The following NFIB variants were observed in gnomAD, a reference collection of about 807,000 sequenced individuals.
The protein encoded by NFIB is nuclear factor I B.
A neutral mutation model predicts 61.5 loss-of-function variants in NFIB; 11 were observed. That is an observed-to-expected ratio of 0.18 (90% CI 0.11 to 0.30). The LOEUF (loss-of-function observed/expected upper bound fraction) is 0.30, where lower values mean the gene tolerates loss of function less well. Among genes scored for constraint, NFIB ranks in the 10% least tolerant of loss-of-function variants. The probability of loss-of-function intolerance (pLI) is 1.00; values close to 1 mark genes in which losing one functional copy is unlikely to be tolerated. For synonymous variants in NFIB, 260 were observed against 216.5 expected (o/e 1.20, Z -1.76); for missense variants, 471 against 608.9 (o/e 0.77, Z 2.38).
chr9:14,132,278 A>T (rs2040488819), intron 6 of NFIB, among the ~76,000 whole-genome samples: 1 of 152,148 alleles, frequency 6.6e-6, no homozygotes, highest in South Asian at 2.1e-4. Context: ...TTAAAAGTGT[A>T]ATTATTTTAC....
chr9:14,154,168 A>G (rs991208002), intron 4 of NFIB, among the ~76,000 whole-genome samples: 34 of 152,082 alleles, frequency 2.2e-4, no homozygotes, highest in African/African-American at 8.2e-4. Context: ...GGGCTTTTGA[A>G]GGTTCTAATG....
At chr9:14,112,086 GAGTT>G (rs762391531) in intron 10 of NFIB, among the ~76,000 whole-genome samples, 53 of 152,114 alleles carry the variant, frequency 3.5e-4, no homozygotes, top group Non-Finnish European at 6.5e-4. Flanking sequence ...AATAAAGAGC[GAGTT>G]AGTTAACACC....
At chr9:14,422,303 C>T in the NFIB span, among the ~76,000 whole-genome samples, 1 of 152,252 alleles carries the variant, frequency 6.6e-6, no homozygotes, top group East Asian at 1.9e-4. Flanking sequence ...GAACACTGAT[C>T]AGTTGAAATT....
intron 2 of NFIB, among the ~76,000 whole-genome samples, chr9:14,274,444 T>C (rs2132361166): frequency 6.6e-6 from 1 of 152,332 alleles, no homozygotes; most frequent in East Asian, 1.9e-4. Flanking sequence ...TTCAGTCTGA[T>C]GTAAGTAAAT....
At chr9:14,454,225 T>A in the NFIB span, among the ~76,000 whole-genome samples, 2 of 152,204 alleles carry the variant, frequency 1.3e-5, no homozygotes, top group African/African-American at 2.4e-5. Context: ...GTCAATACAA[T>A]AATGTAATTG....
At chr9:14,225,190 C>T (rs866778860) in intron 2 of NFIB, among the ~76,000 whole-genome samples, 38 of 152,094 alleles carry the variant, frequency 2.5e-4, no homozygotes, top group African/African-American at 8.7e-4. Flanking sequence ...ACTGTAACCT[C>T]GTTTTTTAAA....
intron 2 of NFIB, among the ~76,000 whole-genome samples, chr9:14,303,439 G>A (rs888720306): frequency 6.6e-6 from 1 of 152,164 alleles, no homozygotes; most frequent in Non-Finnish European, 1.5e-5. Context: ...ATGGGGAATA[G>A]GTAACACCTG....
At position 14,188,438 on chromosome 9, in the gene NFIB, G is replaced by A. The variant is rs543916828; in HGVS notation, c.563-8658C>T. On this transcript the variant is annotated intron_variant, in intron 2 of 10. Transcript: ENST00000380953. The stretch of plus-strand genomic sequence containing the variant: ...AGAGGAGGGAAGAGTTTTATGGCAC[G>A]ATTTTGACTAAAAGAAATAGCTCTC... Among the ~76,000 whole-genome samples the A allele has an allele frequency of 1.6e-4, 25 of 152,290 alleles. No homozygotes were observed. In the South Asian group the frequency reaches 4.6e-3, roughly 28 times the overall value.
At chr9:14,476,965 A>C in the NFIB span, among the ~76,000 whole-genome samples, 4 of 152,250 alleles carry the variant, frequency 2.6e-5, no homozygotes, top group East Asian at 7.7e-4. Context: ...GCTACTTCTT[A>C]TTATATAAAG....
At chr9:14,139,245 C>G (rs546042058) in intron 6 of NFIB, among the ~76,000 whole-genome samples, 1 of 152,256 alleles carries the variant, frequency 6.6e-6, no homozygotes, top group South Asian at 2.1e-4. Flanking sequence ...AGCTGTGAAA[C>G]AGGAGCTTGA....
At chr9:14,243,940 G>T (rs548885547) in intron 2 of NFIB, among the ~76,000 whole-genome samples, 2 of 152,110 alleles carry the variant, frequency 1.3e-5, no homozygotes, top group Admixed American at 1.3e-4. Flanking sequence ...TAAACTGTCT[G>T]GTTTCATGGA....
intron 2 of NFIB, among the ~76,000 whole-genome samples, chr9:14,231,246 G>C (rs1165044680): frequency 1.3e-5 from 2 of 148,304 alleles, no homozygotes; most frequent in Non-Finnish European, 3.0e-5. Flanking sequence ...GCCCTGAAAA[G>C]AAAAACTATT....
intron 2 of NFIB, among the ~76,000 whole-genome samples, chr9:14,298,126 C>T (rs1410851694): frequency 6.6e-6 from 1 of 151,918 alleles, no homozygotes; most frequent in African/African-American, 2.4e-5. Flanking sequence ...GATAGGATTC[C>T]CTTAAAACTA....
At chr9:14,351,823 T>A (rs1467132477) in intron 1 of NFIB, among the ~76,000 whole-genome samples, 3 of 152,346 alleles carry the variant, frequency 2.0e-5, no homozygotes, top group African/African-American at 7.2e-5. Context: ...CTCATTGCTT[T>A]ACAGATAAAG....
At chr9:14,094,495 G>A (rs1295873357) in intron 10 of NFIB, 3 of 152,114 alleles carry the variant, frequency 2.0e-5, no homozygotes, top group Non-Finnish European at 4.4e-5. Context: ...GTTTTATACA[G>A]GTCTTGGGTT....
At chr9:14,431,651 T>C in the NFIB span, among the ~76,000 whole-genome samples, 1 of 151,068 alleles carries the variant, frequency 6.6e-6, no homozygotes, top group Non-Finnish European at 1.5e-5. Context: ...TTTTTTTTAC[T>C]GTGAGAGCTT....
intron 1 of NFIB, among the ~76,000 whole-genome samples, chr9:14,372,186 T>C (rs1435484706): frequency 6.6e-6 from 1 of 150,732 alleles, no homozygotes; most frequent in Non-Finnish European, 1.5e-5. Context: ...GAAATAAAAA[T>C]AGAAAAAAAA....
chr9:14,492,760 G>C, the NFIB span, among the ~76,000 whole-genome samples: 5 of 152,138 alleles, frequency 3.3e-5, no homozygotes, highest in African/African-American at 9.7e-5. Flanking sequence ...TGAGATTTGG[G>C]TGAAGAACAC....
the NFIB span, among the ~76,000 whole-genome samples, chr9:14,426,781 C>A: frequency 6.0e-4 from 91 of 152,260 alleles, 1 homozygote; most frequent in Admixed American, 2.0e-3. Context: ...CCTCCCATAT[C>A]ACATCGCTCA....
Sources: gnomAD v4.1 joint callset for allele counts (sites outside exome capture counted in the v4.1 genomes callset) on GRCh38, gnomAD v4.1.1 for gene constraint, MANE v1.5 for transcripts, NCBI Gene and HGNC (gene_info 2026-07-23, HGNC 2026-07-21) for gene names.